The following EMC9 variants were observed in gnomAD, a reference collection of about 807,000 sequenced individuals.
The protein encoded by EMC9 is UPF0172 protein FAM158A.
EMC9 carries 20 observed loss-of-function variants against 25.0 expected under a neutral mutation model. The ratio of observed to expected loss-of-function variants is 0.80; its 90% CI spans 0.56 to 1.16. EMC9 has a LOEUF of 1.16. EMC9 is among the 50% of genes most tolerant of loss of function. The probability of loss-of-function intolerance (pLI) is 0.00; values close to 1 mark genes in which losing one functional copy is unlikely to be tolerated. For missense variants in EMC9, 256 were observed against 268.7 expected (o/e 0.95, Z 0.33); for synonymous variants, 100 against 107.0 (o/e 0.93, Z 0.40).
rs1321301296 is a variant in EMC9 at position 24,139,477 on chromosome 14, G to A, written c.346-23C>T. ...CAACTGAGTGGACAAAGATGGGCAA[G>A]TGAGAGTTTCAAGGGTCCCCCCACC... On this transcript the variant is annotated intron_variant, in intron 4 of 5. Coordinates refer to ENST00000216799, the MANE Select transcript of EMC9 (RefSeq NM_016049.4). The surrounding 1 kb of genome is among the most constrained non-coding windows in gnomAD (Gnocchi z 4.6). 6.2e-7 allele frequency: 1 copy of A among 1,613,922 alleles called. No homozygotes were observed. The highest frequency in any genetic ancestry group is 1.7e-5 in the Admixed American group (1 of 59,996).
chr14:24,140,958 A>ACATC lies in EMC9; in HGVS notation c.202_205dup (p.Val69GlyfsTer43). 6.2e-7 allele frequency: 1 copy of ACATC among 1,614,192 alleles called. No homozygotes were observed. The highest frequency in any genetic ancestry group is 8.5e-7 in the Non-Finnish European group (1 of 1,180,040). On this transcript the variant is annotated frameshift_variant, in exon 3 of 6. Transcript: ENST00000216799. LOFTEE classifies it high-confidence loss of function. Reference sequence around the variant, plus strand: ...CACCAGACCGGCCTGTGCTCCCCACACATCCACCTGTCGTAGGAAAGGGGC... The same window carrying ACATC: ...CACCAGACCGGCCTGTGCTCCCCACACATCCATCCACCTGTCGTAGGAAAGGGGC...
In EMC9 at chr14:24,141,211, C is replaced by A. The variant is rs765084294; in HGVS notation, c.94G>T (p.Ala32Ser). Residue 32 changes from alanine (A) to serine (S), a missense_variant, in exon 2 of 6, where the codon GCG (alanine) becomes TCG (serine). By Grantham distance (99) the Ala-to-Ser change is moderately conservative (BLOSUM62 1). Coordinates refer to ENST00000216799, the MANE Select transcript of EMC9 (RefSeq NM_016049.4). ...CATTCTCCAGACCGCGGCGCTGGCG[C>A]CAAAAACAGCCCGTTGACTGCGGCG... ...PHAAVNGLFL[A>S]PAPRSGECLC... 1.9e-6 allele frequency: 3 copies of A among 1,614,208 alleles called. No homozygotes were observed. Among genetic ancestry groups the A allele is most frequent in the Non-Finnish European group, 2.5e-6 (3 of 1,180,048 alleles).
chr14:24,141,391 C>T, intron 1 of EMC9, 47 bp downstream of exon 1: 2 of 1,417,632 alleles, frequency 1.4e-6, no homozygotes, highest in Non-Finnish European at 2.0e-6. Context: ...GTGAAGCTCC[C>T]TCCAGCGCTT....
Position 24,141,227 on chromosome 14 carries a change from G to T in EMC9, c.78C>A (p.Val26=). The change falls in exon 2 of 6, where the codon GTC becomes GTA. Residue 26 remains valine (V), a synonymous_variant. Coordinates refer to ENST00000216799, the MANE Select transcript of EMC9 (RefSeq NM_016049.4). ...GCGCTGGCGCCAAAAACAGCCCGTTGACTGCGGCGTGTGGGTACCGGGCAG... is the reference window on the plus strand; with the variant it reads ...GCGCTGGCGCCAAAAACAGCCCGTTTACTGCGGCGTGTGGGTACCGGGCAG... ...LHAARYPHAA[V]NGLFLAPAPR... The T allele has an allele frequency of 6.2e-7, 1 of 1,614,214 alleles. No homozygotes were observed. The highest frequency in any genetic ancestry group is 8.5e-7 in the Non-Finnish European group (1 of 1,180,042).
At chr14:24,141,062 T>G in intron 2 of EMC9, 45 bp downstream of exon 2, 2 of 1,613,590 alleles carry the variant, frequency 1.2e-6, no homozygotes, top group Non-Finnish European at 8.5e-7. Context: ...TGGGCTGGGG[T>G]GTTGGGTGGG....
rs189436726 is a variant in EMC9, at chr14:24,139,931, G to C, written c.276-317C>G. On this transcript the variant is annotated intron_variant, in intron 3 of 5. Coordinates refer to ENST00000216799, the MANE Select transcript of EMC9 (RefSeq NM_016049.4). This position sits in a 1 kb window ranked among gnomAD's most constrained non-coding sequence, Gnocchi z 4.6. ...CTGACCCAGAAATTCTACTTATAAAGAATTTATGGTAATCATAGGACAGTG... is the reference window on the plus strand; with the variant it reads ...CTGACCCAGAAATTCTACTTATAAACAATTTATGGTAATCATAGGACAGTG... The C allele has an allele frequency of 1.0e-3, 510 of 507,700 alleles. 4 individuals are homozygous for C. The highest frequency in any genetic ancestry group is 8.6e-3 in the African/African-American group (448 of 51,898). The allele number at this position is 507,700 out of a possible 1,614,324, so 31.4% of individuals were successfully genotyped here.
Position 24,141,247 on chromosome 14 carries a change from G to A in EMC9, c.58C>T (p.Arg20Trp), listed in dbSNP as rs139652323. The change falls in exon 2 of 6, where the codon CGG (arginine) becomes TGG (tryptophan). Residue 20 changes from arginine to tryptophan, a missense_variant. Arg to Trp is a moderately radical substitution (Grantham distance 101). Transcript: ENST00000216799. ...AYVKMCLHAA[R>W]YPHAAVNGLF... Reference sequence around the variant, plus strand: ...CCGTTGACTGCGGCGTGTGGGTACCGGGCAGCATGCAGGCACATCTTCACG... The same window carrying A: ...CCGTTGACTGCGGCGTGTGGGTACCAGGCAGCATGCAGGCACATCTTCACG... The A allele has an allele frequency of 8.7e-6, 14 of 1,614,076 alleles. No homozygotes were observed. Among genetic ancestry groups the A allele is most frequent in the Middle Eastern group, 3.3e-4 (2 of 6,084 alleles).
Position 24,139,045 on chromosome 14 carries a change from A to T in EMC9, c.592T>A (p.Trp198Arg), listed in dbSNP as rs1320717424. 1 of 1,613,562 alleles carries T rather than the reference A, an allele frequency of 6.2e-7. No homozygotes were observed. The highest frequency in any genetic ancestry group is 8.5e-7 in the Non-Finnish European group (1 of 1,180,034). The change falls in exon 6 of 6, where the codon TGG becomes AGG. Residue 198 changes from tryptophan (W) to arginine (R), a missense_variant. Transcript: ENST00000216799. This position sits in a 1 kb window ranked among gnomAD's most constrained non-coding sequence, Gnocchi z 4.6. Reference protein sequence around the residue: ...NQRLNTQITQWVGPTNGNGNA With the variant: ...NQRLNTQITQRVGPTNGNGNA ...CCATTTCCATTAGTGGGACCAACCC[A>T]CTGGGTGATTTGAGTGTTGAGCCGC...
rs747763077 is a variant in EMC9 at position 24,139,591 on chromosome 14, A to G, written c.299T>C (p.Ile100Thr). Residue 100 changes from isoleucine (I) to threonine (T), a missense_variant, in exon 4 of 6, where the codon ATT becomes ACT. Transcript: ENST00000216799. This position sits in a 1 kb window ranked among gnomAD's most constrained non-coding sequence, Gnocchi z 4.6. ...GAAGAATTCTGCAATTCGCCCAGCA[A>G]TTTTCAAGGCCAGGGGCCCAGGGCT... ...DQSPGPLALK[I>T]AGRIAEFFPD... 15 of 1,614,092 alleles carry G rather than the reference A, an allele frequency of 9.3e-6. No individual in the cohort carries two copies. Among genetic ancestry groups the G allele is most frequent in the South Asian group, 8.8e-5 (8 of 91,074 alleles).
In EMC9 at chr14:24,141,099, G is replaced by T. The variant is rs1240929270; in HGVS notation, c.198+8C>A. The T allele has an allele frequency of 1.2e-6, 2 of 1,614,040 alleles. No homozygotes were observed. The highest frequency in any genetic ancestry group is 3.3e-5 in the Admixed American group (2 of 60,032). On this transcript the variant is annotated splice_region_variant and intron_variant, in intron 2 of 5. Coordinates refer to ENST00000216799, the MANE Select transcript of EMC9 (RefSeq NM_016049.4). ...TCGCGGTGGGGGATGGGCATCCAAC[G>T]GAGGCACCTGGTTGAGGGCGACCTC...
Position 24,139,089 on chromosome 14 carries a change from C to T in EMC9, c.548G>A (p.Arg183Gln), listed in dbSNP as rs368696461. ...GAGCCGCTGGTTGGTCCAGTCCTGC[C>T]GGATGTCATCAAGGTGGCAGTCAAA... The part of the protein sequence containing the change: ...VDFDCHLDDI[R>Q]QDWTNQRLNT... Residue 183 changes from arginine to glutamine, a missense_variant, in exon 6 of 6, where the codon CGG (arginine) becomes CAG (glutamine). Physicochemically the swap from Arg to Gln is conservative, Grantham distance 43 (BLOSUM62 1). Transcript: ENST00000216799. The surrounding 1 kb of genome is among the most constrained non-coding windows in gnomAD (Gnocchi z 4.6). 6.2e-6 allele frequency: 10 copies of T among 1,613,960 alleles called. No homozygotes were observed. The highest frequency in any genetic ancestry group is 4.4e-5 in the South Asian group (4 of 91,082).
Position 24,139,711 on chromosome 14 carries a change from C to T in EMC9, c.276-97G>A, listed in dbSNP as rs2038004438. The T allele has an allele frequency of 1.3e-6, 2 of 1,554,918 alleles. No homozygotes were observed. Among genetic ancestry groups the T allele is most frequent in the African/African-American group, 2.7e-5 (2 of 73,314 alleles). On this transcript the variant is annotated intron_variant, in intron 3 of 5. Coordinates refer to ENST00000216799, the MANE Select transcript of EMC9 (RefSeq NM_016049.4). This position sits in a 1 kb window ranked among gnomAD's most constrained non-coding sequence, Gnocchi z 4.6. Reference sequence around the variant, plus strand: ...CCAGGTCTCATAGGTGTGGGCGCAGCTGTGGCCTTTCCCTGTAGGTGGCCT... The same window carrying T: ...CCAGGTCTCATAGGTGTGGGCGCAGTTGTGGCCTTTCCCTGTAGGTGGCCT...
chr14:24,140,149 A>T (rs994255480), intron 3 of EMC9: 4 of 1,692 alleles, frequency 2.4e-3, no homozygotes, highest in African/African-American at 5.6e-3. Flanking sequence ...TATGATTAAT[A>T]TATATATATA....
intron 3 of EMC9, 94 bp downstream of exon 3, chr14:24,140,795 G>A (rs572647668): frequency 3.9e-6 from 4 of 1,030,602 alleles, no homozygotes; most frequent in Admixed American, 1.9e-5. Context: ...GTGCGCCCCC[G>A]CCCCGCCCAC....
chr14:24,141,238 G>T lies in EMC9; in HGVS notation c.67C>A (p.His23Asn), dbSNP rs753160766. ...AAAAACAGCCCGTTGACTGCGGCGTGTGGGTACCGGGCAGCATGCAGGCAC... is the reference window on the plus strand; with the variant it reads ...AAAAACAGCCCGTTGACTGCGGCGTTTGGGTACCGGGCAGCATGCAGGCAC... The part of the protein sequence containing the change: ...KMCLHAARYP[H>N]AAVNGLFLAP... Residue 23 changes from histidine (H) to asparagine (N), a missense_variant, in exon 2 of 6, where the codon CAC (histidine) becomes AAC (asparagine). His to Asn is a moderately conservative substitution (Grantham distance 68). Coordinates refer to ENST00000216799, the MANE Select transcript of EMC9 (RefSeq NM_016049.4). 1.9e-6 allele frequency: 3 copies of T among 1,614,124 alleles called. No homozygotes were observed. The African/African-American group carries it at 4.0e-5, about 22-fold the overall frequency.
chr14:24,140,010 G>C, intron 3 of EMC9: 1 of 372,890 alleles, frequency 2.7e-6, no homozygotes, highest in East Asian at 7.2e-5. Flanking sequence ...AAATAAATTA[G>C]AGTACATTCA....
At chr14:24,140,686 AT>A (rs1348811473) in intron 3 of EMC9, among the ~76,000 whole-genome samples, 6 of 151,710 alleles carry the variant, frequency 4.0e-5, no homozygotes, top group Non-Finnish European at 5.9e-5. Context: ...TCATCTTTAT[AT>A]TCCCTCACTC....
chr14:24,139,765 T>C lies in EMC9; in HGVS notation c.276-151A>G. On this transcript the variant is annotated intron_variant, in intron 3 of 5. Transcript: ENST00000216799. The surrounding 1 kb of genome is among the most constrained non-coding windows in gnomAD (Gnocchi z 4.6). ...GGGATCGGGCCTGCTGGATGCTTGA[T>C]GCACGACTGCTTGATGCTTGAGTGC... 1 of 1,544,774 alleles carries C rather than the reference T, an allele frequency of 6.5e-7. No individual in the cohort carries two copies. The highest frequency in any genetic ancestry group is 8.7e-7 in the Non-Finnish European group (1 of 1,143,438).
rs200649921 is a variant in EMC9 at position 24,139,215 on chromosome 14, T to C, written c.441-19A>G. The C allele has an allele frequency of 6.8e-5, 109 of 1,613,200 alleles. No individual in the cohort carries two copies. The African/African-American group carries it at 1.2e-3, about 18-fold the overall frequency. On this transcript the variant is annotated intron_variant, in intron 5 of 5. Coordinates refer to ENST00000216799, the MANE Select transcript of EMC9 (RefSeq NM_016049.4). The surrounding 1 kb of genome is among the most constrained non-coding windows in gnomAD (Gnocchi z 4.6). ...CATCACTCTGAAATAGTAACCCCCA[T>C]GGAGGTCAAACAGCAAGTAGTGGGT...
Sources: allele counts gnomAD v4.1 joint callset (sites outside exome capture counted in the v4.1 genomes callset), GRCh38; gene constraint gnomAD v4.1.1; non-coding constraint Gnocchi (gnomAD v3.1); transcripts MANE v1.5; gene names NCBI Gene and HGNC (gene_info 2026-07-23, HGNC 2026-07-21).